Variants in AFG1L observed in about 807,000 individuals in gnomAD.
AFG1L encodes the protein AFG1 like ATPase.
AFG1L carries 53 observed loss-of-function variants against 62.2 expected under a neutral mutation model. The ratio of observed to expected loss-of-function variants is 0.85; its 90% CI spans 0.68 to 1.07. The LOEUF is 1.07. Ranked by LOEUF, AFG1L falls within the 50% of genes least tolerant of loss-of-function variation. AFG1L has a pLI of 0.00. For missense variants in AFG1L, 555 were observed against 590.5 expected, an observed-to-expected ratio of 0.94 and a Z score of 0.62; for synonymous variants, 228 against 210.3, an observed-to-expected ratio of 1.08 and a Z score of -0.73.
At chr6:108,369,615 T>G (rs1779906457) in intron 6 of AFG1L, among the ~76,000 whole-genome samples, 1 of 140,858 alleles carries the variant, frequency 7.1e-6, no homozygotes, top group South Asian at 2.3e-4. Context: ...TAGGTCACAA[T>G]TTTTTTTTTT....
intron 7 of AFG1L, among the ~76,000 whole-genome samples, chr6:108,433,465 G>A (rs999157580): frequency 1.3e-4 from 20 of 150,736 alleles, no homozygotes; most frequent in African/African-American, 4.6e-4. Flanking sequence ...TTTTTTTTTT[G>A]GTAGAGACGG....
chr6:108,479,359 G>A (rs1220147660), intron 10 of AFG1L, among the ~76,000 whole-genome samples: 1 of 151,766 alleles, frequency 6.6e-6, no homozygotes, highest in Non-Finnish European at 1.5e-5. Flanking sequence ...TCTCCAAGTT[G>A]GCCAGATCTT....
intron 7 of AFG1L, among the ~76,000 whole-genome samples, chr6:108,430,028 A>C (rs1771000285): frequency 6.7e-6 from 1 of 150,324 alleles, no homozygotes; most frequent in Admixed American, 6.6e-5. Flanking sequence ...GCTCACTGCA[A>C]CCTCCACCTC....
At chr6:108,334,491 A>C (rs994715309) in intron 2 of AFG1L, among the ~76,000 whole-genome samples, 1 of 151,818 alleles carries the variant, frequency 6.6e-6, no homozygotes, top group South Asian at 2.1e-4. Flanking sequence ...CAGGAGTTTG[A>C]GATGAGCCTG....
intron 10 of AFG1L, among the ~76,000 whole-genome samples, chr6:108,482,656 G>A (rs189736909): frequency 2.0e-4 from 30 of 152,060 alleles, no homozygotes; most frequent in African/African-American, 6.3e-4. Flanking sequence ...CAGACTTTTC[G>A]TTTTTGATGA....
intron 2 of AFG1L, among the ~76,000 whole-genome samples, chr6:108,344,102 A>G (rs969310010): frequency 3.6e-4 from 54 of 151,922 alleles, no homozygotes; most frequent in African/African-American, 1.2e-3. Flanking sequence ...TCTCTACAGG[A>G]TAGTTTGTTT....
Position 108,424,511 on chromosome 6 carries a change from T to A in AFG1L, c.807+22457T>A, listed in dbSNP as rs116666356. Among the ~76,000 whole-genome samples the A allele has an allele frequency of 9.9e-3, 1,511 of 152,112 alleles. 24 individuals are homozygous for A. The highest frequency in any genetic ancestry group is 0.034 in the African/African-American group (1,405 of 41,502). On this transcript the variant is annotated intron_variant, in intron 7 of 12. Transcript: ENST00000368977. ...AAGGGCTTAGTCATTGGGGTTACAA[T>A]GATAAATGTGTTACTGAGTTGAATC...
intron 2 of AFG1L, among the ~76,000 whole-genome samples, chr6:108,329,277 A>G (rs1778176525): frequency 6.6e-6 from 1 of 151,206 alleles, no homozygotes; most frequent in South Asian, 2.1e-4. Context: ...TTTATTTTAA[A>G]TAAAGATTTT....
chr6:108,421,653 AG>A (rs1437413247), intron 7 of AFG1L, among the ~76,000 whole-genome samples: 1 of 150,348 alleles, frequency 6.7e-6, no homozygotes, highest in Non-Finnish European at 1.5e-5. Flanking sequence ...CTTTAGACCA[AG>A]GACTTTTGGA....
At chr6:108,428,985 A>G (rs150704045) in intron 7 of AFG1L, among the ~76,000 whole-genome samples, 1 of 152,262 alleles carries the variant, frequency 6.6e-6, no homozygotes, top group African/African-American at 2.4e-5. Flanking sequence ...GGTCTTAGTC[A>G]TAAATTCTTT....
At chr6:108,319,452 T>C (rs1418112895) in intron 1 of AFG1L, among the ~76,000 whole-genome samples, 2 of 152,032 alleles carry the variant, frequency 1.3e-5, no homozygotes, top group East Asian at 1.9e-4. Flanking sequence ...TTTTTTTTTT[T>C]CCATCTGTAA....
At chr6:108,453,844 G>C (rs1418607832) in intron 8 of AFG1L, among the ~76,000 whole-genome samples, 5 of 152,160 alleles carry the variant, frequency 3.3e-5, no homozygotes, top group Admixed American at 6.5e-5. Flanking sequence ...CCAGACACTG[G>C]AATCTGCAGT....
intron 7 of AFG1L, among the ~76,000 whole-genome samples, chr6:108,406,618 G>T (rs987955497): frequency 6.6e-6 from 1 of 151,660 alleles, no homozygotes; most frequent in Non-Finnish European, 1.5e-5. Flanking sequence ...TTGTATTTTT[G>T]GTAGAGATGG....
intron 7 of AFG1L, among the ~76,000 whole-genome samples, chr6:108,440,442 T>G (rs1771491928): frequency 6.6e-6 from 1 of 152,180 alleles, no homozygotes; most frequent in Non-Finnish European, 1.5e-5. Context: ...GTGCTGGGAT[T>G]ACAGGCGTGA....
chr6:108,451,782 G>A (rs1167253851), intron 8 of AFG1L, among the ~76,000 whole-genome samples: 1 of 152,034 alleles, frequency 6.6e-6, no homozygotes, highest in East Asian at 1.9e-4. Context: ...GCAGTGGCGT[G>A]ATCTCGGCTC....
chr6:108,351,073 A>G (rs772723246), intron 3 of AFG1L, among the ~76,000 whole-genome samples: 4 of 152,240 alleles, frequency 2.6e-5, no homozygotes, highest in Non-Finnish European at 4.4e-5. Flanking sequence ...ATAATACAGT[A>G]TAATAGATAA....
intron 8 of AFG1L, among the ~76,000 whole-genome samples, chr6:108,456,390 C>A (rs1772252993): frequency 6.6e-6 from 1 of 151,818 alleles, no homozygotes. Context: ...CAATCTTTTT[C>A]TTTTAATTGG....
At chr6:108,420,775 G>GA (rs1187498117) in intron 7 of AFG1L, among the ~76,000 whole-genome samples, 2 of 151,820 alleles carry the variant, frequency 1.3e-5, no homozygotes, top group Non-Finnish European at 2.9e-5. Flanking sequence ...TAGTTATCTG[G>GA]AAAAAAACAA....
chr6:108,501,283 G>A (rs7763874), intron 10 of AFG1L, among the ~76,000 whole-genome samples: 2,806 of 152,272 alleles, frequency 0.018, 88 homozygotes, highest in African/African-American at 0.061. Flanking sequence ...GTGAGCCACC[G>A]CACCTGGCCG....
Sources: gnomAD v4.1 joint callset for allele counts (sites outside exome capture counted in the v4.1 genomes callset) on GRCh38, gnomAD v4.1.1 for gene constraint, MANE v1.5 for transcripts, NCBI Gene and HGNC (gene_info 2026-07-23, HGNC 2026-07-21) for gene names.